Variants in METTL15 observed in about 807,000 individuals in gnomAD.
METTL15 encodes the protein 12S rRNA N(4)-cytidine methyltransferase METTL15.
METTL15 carries 34 observed loss-of-function variants against 38.3 expected under a neutral mutation model. The ratio of observed to expected loss-of-function variants is 0.89; its 90% CI spans 0.68 to 1.18. The LOEUF (loss-of-function observed/expected upper bound fraction) is 1.18. Ranked by LOEUF, METTL15 falls within the 50% of genes most tolerant of loss-of-function variation. The pLI, the probability that METTL15 is intolerant of heterozygous loss-of-function variation, is 0.00. For missense variants in METTL15, 438 were observed against 498.4 expected (o/e 0.88, Z 1.15); for synonymous variants, 162 against 170.9 (o/e 0.95, Z 0.41).
At chr11:28,355,006 A>C (rs929289826) in intron 4 of METTL15, among the ~76,000 whole-genome samples, 2 of 152,120 alleles carry the variant, frequency 1.3e-5, no homozygotes, top group Admixed American at 6.5e-5. Context: ...GCAGGTGAAG[A>C]GTGCATCTCT....
intron 6 of METTL15, among the ~76,000 whole-genome samples, chr11:28,433,127 C>A (rs2133433086): frequency 6.6e-6 from 1 of 151,638 alleles, no homozygotes; most frequent in Non-Finnish European, 1.5e-5. Context: ...AGTTTCCTTG[C>A]CTTCGCCTTG....
At chr11:28,475,607 G>A (rs1219612316) in intron 6 of METTL15, among the ~76,000 whole-genome samples, 1 of 152,182 alleles carries the variant, frequency 6.6e-6, no homozygotes, top group Non-Finnish European at 1.5e-5. Flanking sequence ...CTCTTCAAGA[G>A]TAAATTTCTT....
chr11:28,152,550 G>T (rs537956395), intron 3 of METTL15, among the ~76,000 whole-genome samples: 1 of 151,740 alleles, frequency 6.6e-6, no homozygotes, highest in East Asian at 1.9e-4. Context: ...GTCTTTGAGG[G>T]CCTTTTTTTT....
At chr11:28,404,308 T>C (rs1273257652) in intron 5 of METTL15, among the ~76,000 whole-genome samples, 1 of 152,082 alleles carries the variant, frequency 6.6e-6, no homozygotes, top group African/African-American at 2.4e-5. Flanking sequence ...AAATTGTTAC[T>C]ACTACTATAA....
chr11:28,422,913 C>G (rs1850833139), intron 5 of METTL15, among the ~76,000 whole-genome samples: 1 of 151,724 alleles, frequency 6.6e-6, no homozygotes, highest in African/African-American at 2.4e-5. Context: ...GAAAACAGCC[C>G]ATAGAATGGG....
chr11:28,260,084 C>T (rs1855139310), intron 4 of METTL15, among the ~76,000 whole-genome samples: 1 of 152,206 alleles, frequency 6.6e-6, no homozygotes, highest in African/African-American at 2.4e-5. Flanking sequence ...ATTTTTCTGT[C>T]TGCCTCAGTT....
chr11:28,224,130 C>G (rs969611848), intron 4 of METTL15, among the ~76,000 whole-genome samples: 9 of 151,970 alleles, frequency 5.9e-5, no homozygotes, highest in African/African-American at 1.7e-4. Flanking sequence ...AATTTTACCA[C>G]TTTAGGTAAT....
chr11:28,462,184 C>A, intron 6 of METTL15, among the ~76,000 whole-genome samples: 1 of 151,994 alleles, frequency 6.6e-6, no homozygotes, highest in Non-Finnish European at 1.5e-5. Context: ...AGAAATACTT[C>A]CATATCTGAC....
chr11:28,141,890 G>T (rs563590350), intron 3 of METTL15, among the ~76,000 whole-genome samples: 13 of 152,182 alleles, frequency 8.5e-5, no homozygotes, highest in African/African-American at 3.1e-4. Context: ...CAAAGAGGAG[G>T]TTAGTTTTAA....
At chr11:28,202,268 G>A (rs778994667) in intron 3 of METTL15, among the ~76,000 whole-genome samples, 2 of 152,052 alleles carry the variant, frequency 1.3e-5, no homozygotes, top group Non-Finnish European at 2.9e-5. Flanking sequence ...GTAACCAGTT[G>A]GGTTTGGAGT....
intron 4 of METTL15, among the ~76,000 whole-genome samples, chr11:28,252,366 C>T (rs142250111): frequency 1.1e-4 from 16 of 152,110 alleles, no homozygotes; most frequent in African/African-American, 3.1e-4. Context: ...TTGCCATTCC[C>T]GTTCTCTTAA....
intron 3 of METTL15, among the ~76,000 whole-genome samples, chr11:28,206,561 T>G (rs1294610662): frequency 2.0e-5 from 3 of 151,182 alleles, no homozygotes; most frequent in East Asian, 3.9e-4. Context: ...AGTTTTGTTC[T>G]TTTGCCTTAG....
At chr11:28,163,529 A>ATCTCTC (rs756098921) in intron 3 of METTL15, 3 of 338,540 alleles carry the variant, frequency 8.9e-6, no homozygotes, top group Non-Finnish European at 1.1e-5. Flanking sequence ...CTTCTTACTG[A>ATCTCTC]TCTCTCTCTC....
rs1328589673 is a variant in METTL15 at position 28,189,933 on chromosome 11, A to G, written c.271-21129A>G. ...CAAAATTCATTGAAACAGACTTCAT[A>G]TATATTTGCAATGCTATTGATTTAT... On this transcript the variant is annotated intron_variant, in intron 3 of 6. Coordinates refer to ENST00000407364, the MANE Select transcript of METTL15 (RefSeq NM_001113528.2). 2.0e-5 allele frequency among the ~76,000 whole-genome samples: 3 copies of G among 151,414 alleles called. No individual in the cohort carries two copies. In the East Asian group the frequency reaches 5.8e-4, roughly 29 times the overall value.
intron 3 of METTL15, among the ~76,000 whole-genome samples, chr11:28,191,838 T>C (rs1851711175): frequency 6.6e-6 from 1 of 151,722 alleles, no homozygotes; most frequent in South Asian, 2.1e-4. Context: ...ACAATTAACA[T>C]AAAGTGCTAG....
At chr11:28,191,804 T>C (rs1851709606) in intron 3 of METTL15, among the ~76,000 whole-genome samples, 1 of 151,762 alleles carries the variant, frequency 6.6e-6, no homozygotes, top group Non-Finnish European at 1.5e-5. Flanking sequence ...CTTAGCATTG[T>C]GTTCTGACTG....
At chr11:28,112,802 C>T (rs138830846) in intron 2 of METTL15, among the ~76,000 whole-genome samples, 200 of 152,106 alleles carry the variant, frequency 1.3e-3, no homozygotes, top group African/African-American at 4.5e-3. Flanking sequence ...GATGTGCATG[C>T]GTAGTCTTTT....
chr11:28,233,932 C>A (rs2133887545), intron 4 of METTL15, among the ~76,000 whole-genome samples: 1 of 151,336 alleles, frequency 6.6e-6, no homozygotes, highest in Non-Finnish European at 1.5e-5. Flanking sequence ...TTAGGTATAT[C>A]TCCTAATGCT....
chr11:28,292,064 A>AT (rs1856538418), intron 5 of METTL15, among the ~76,000 whole-genome samples: 1 of 151,734 alleles, frequency 6.6e-6, no homozygotes, highest in Non-Finnish European at 1.5e-5. Context: ...ATTTATTTTT[A>AT]TTTTTTATTA....
Sources: gnomAD v4.1 joint callset for allele counts (sites outside exome capture counted in the v4.1 genomes callset) on GRCh38, gnomAD v4.1.1 for gene constraint, MANE v1.5 for transcripts, NCBI Gene and HGNC (gene_info 2026-07-23, HGNC 2026-07-21) for gene names.